The following DPYD variants were observed in gnomAD, a reference collection of about 807,000 sequenced individuals.
DPYD encodes dihydropyrimidine dehydrogenase [NADP(+)].
A neutral mutation model predicts 116.2 loss-of-function variants in DPYD; 109 were observed. The observed-to-expected ratio is 0.94, with a 90% confidence interval of 0.80 to 1.10. The LOEUF is 1.10. Among genes scored for constraint, DPYD ranks in the 50% least tolerant of loss-of-function variants. DPYD has a pLI of 0.00. For synonymous variants in DPYD, 440 were observed against 432.0 expected (o/e 1.02, Z -0.23); for missense variants, 1,302 against 1,254.5 (o/e 1.04, Z -0.57).
intron 3 of DPYD, among the ~76,000 whole-genome samples, chr1:97,812,920 G>T (rs1478150257): frequency 6.6e-6 from 1 of 152,060 alleles, no homozygotes; most frequent in Non-Finnish European, 1.5e-5. Context: ...TACTTTGGTG[G>T]AAGTACTGAA....
intron 14 of DPYD, among the ~76,000 whole-genome samples, chr1:97,399,304 A>G (rs1276822472): frequency 6.6e-6 from 1 of 152,072 alleles, no homozygotes; most frequent in African/African-American, 2.4e-5. Flanking sequence ...CCATTGGTCT[A>G]TATCTCTTTT....
At chr1:97,162,261 A>C (rs1445290148) in intron 20 of DPYD, among the ~76,000 whole-genome samples, 2 of 152,138 alleles carry the variant, frequency 1.3e-5, no homozygotes, top group Non-Finnish European at 2.9e-5. Context: ...AATGATTGCC[A>C]TTCTAACTGG....
intron 8 of DPYD, among the ~76,000 whole-genome samples, chr1:97,622,875 C>G (rs1656711513): frequency 6.6e-6 from 1 of 151,866 alleles, no homozygotes; most frequent in Admixed American, 6.6e-5. Context: ...GGCAGGCAAA[C>G]AAGATCTGAA....
At chr1:97,726,865 A>G (rs1432805194) in intron 4 of DPYD, among the ~76,000 whole-genome samples, 1 of 151,704 alleles carries the variant, frequency 6.6e-6, no homozygotes, top group Non-Finnish European at 1.5e-5. Context: ...AAATTGCAAC[A>G]AATAAAATAT....
chr1:97,380,676 T>C (rs12565467), intron 15 of DPYD, among the ~76,000 whole-genome samples: 40,113 of 152,044 alleles, frequency 0.26, 5,501 homozygotes, highest in South Asian at 0.43. Flanking sequence ...CATGCTAGAG[T>C]GTTGGTGTGG....
intron 14 of DPYD, among the ~76,000 whole-genome samples, chr1:97,411,021 G>A (rs1257341526): frequency 1.3e-5 from 2 of 152,116 alleles, no homozygotes; most frequent in African/African-American, 4.8e-5. Flanking sequence ...TGTTGGGTGA[G>A]GAAAGAATGG....
chr1:97,515,715 T>C lies in DPYD; in HGVS notation c.1740+11A>G, dbSNP rs1400936838. ...AGACATTTCTATATGACTTCAATAA[T>C]ATTTTCTTACCTTATCAAGAGAGAA... is the stretch of plus-strand genomic sequence containing the variant. On this transcript the variant is annotated intron_variant, in intron 13 of 22. Coordinates refer to ENST00000370192, the MANE Select transcript of DPYD (RefSeq NM_000110.4). 6.2e-7 allele frequency: 1 copy of C among 1,610,200 alleles called. No individual in the cohort carries two copies. The highest frequency in any genetic ancestry group is 2.2e-5 in the East Asian group (1 of 44,812).
chr1:97,848,770 C>T (rs1321182052), intron 2 of DPYD, among the ~76,000 whole-genome samples: 8 of 152,056 alleles, frequency 5.3e-5, no homozygotes, highest in Non-Finnish European at 8.8e-5. Context: ...TTTAGAGAAG[C>T]TCAAATAAAG....
At chr1:97,224,976 C>T (rs912982783) in intron 19 of DPYD, among the ~76,000 whole-genome samples, 2 of 151,444 alleles carry the variant, frequency 1.3e-5, no homozygotes, top group Non-Finnish European at 3.0e-5. Context: ...TATGGGAGTA[C>T]AGATCTATCT....
chr1:97,801,745 T>C (rs1205314027), intron 3 of DPYD, among the ~76,000 whole-genome samples: 3 of 151,874 alleles, frequency 2.0e-5, no homozygotes, highest in African/African-American at 4.8e-5. Flanking sequence ...GTGTTTCTTT[T>C]TTCCTGTATT....
At chr1:97,836,542 T>C (rs1044554645) in intron 2 of DPYD, among the ~76,000 whole-genome samples, 1 of 152,158 alleles carries the variant, frequency 6.6e-6, no homozygotes, top group African/African-American at 2.4e-5. Flanking sequence ...GTCTTTTCTC[T>C]AGAACATACT....
At chr1:97,539,444 T>C (rs1300058973) in intron 12 of DPYD, among the ~76,000 whole-genome samples, 1 of 152,128 alleles carries the variant, frequency 6.6e-6, no homozygotes, top group Non-Finnish European at 1.5e-5. Context: ...TACCTGTTGA[T>C]TCCATATTTA....
chr1:97,203,470 G>T (rs1659351455), intron 19 of DPYD, among the ~76,000 whole-genome samples: 2 of 119,662 alleles, frequency 1.7e-5, no homozygotes, highest in South Asian at 3.0e-4. Context: ...ACACTCTGGG[G>T]ACTGTTGTGG....
chr1:97,306,311 T>C lies in DPYD; in HGVS notation c.2059-14A>G. The C allele has an allele frequency of 2.5e-6, 4 of 1,611,780 alleles. No homozygotes were observed. Among genetic ancestry groups the C allele is most frequent in the Non-Finnish European group, 3.4e-6 (4 of 1,178,448 alleles). On this transcript the variant is annotated splice_polypyrimidine_tract_variant and intron_variant, in intron 16 of 22. Coordinates refer to ENST00000370192, the MANE Select transcript of DPYD (RefSeq NM_000110.4). ...CAGCTCTGGATCCTGTTCAAATAGGTCGGTTAAATATAGAACAAAATTAAA... is the reference window on the plus strand; with the variant it reads ...CAGCTCTGGATCCTGTTCAAATAGGCCGGTTAAATATAGAACAAAATTAAA...
At position 97,155,389 on chromosome 1, in the gene DPYD, A is replaced by G. The variant is rs150525254; in HGVS notation, c.2622+37680T>C. 1.3e-4 allele frequency among the ~76,000 whole-genome samples: 20 copies of G among 152,234 alleles called. No individual in the cohort carries two copies. In the East Asian group the frequency reaches 3.9e-3, roughly 29 times the overall value. On this transcript the variant is annotated intron_variant, in intron 20 of 22. Transcript: ENST00000370192. ...TTCCCTGGATTCTGTATGAAACCAG[A>G]GCTCTTCTGCTTTTGTGTCCAAATA...
intron 16 of DPYD, among the ~76,000 whole-genome samples, chr1:97,317,851 C>G (rs535528741): frequency 6.6e-6 from 1 of 152,048 alleles, no homozygotes; most frequent in East Asian, 2.0e-4. Context: ...TTTAAATAAC[C>G]TATCAGAGAA....
At chr1:97,371,484 C>G (rs1671309800) in intron 16 of DPYD, among the ~76,000 whole-genome samples, 1 of 152,032 alleles carries the variant, frequency 6.6e-6, no homozygotes, top group Non-Finnish European at 1.5e-5. Flanking sequence ...GACTTTGGAA[C>G]TTAGAGAGGT....
At chr1:97,530,469 G>A (rs1375902372) in intron 12 of DPYD, among the ~76,000 whole-genome samples, 2 of 151,782 alleles carry the variant, frequency 1.3e-5, no homozygotes, top group East Asian at 1.9e-4. Context: ...CGCCCGCCTC[G>A]GCCTCCCAAA....
intron 3 of DPYD, among the ~76,000 whole-genome samples, chr1:97,758,465 A>G (rs1398983221): frequency 6.6e-6 from 1 of 152,178 alleles, no homozygotes; most frequent in Non-Finnish European, 1.5e-5. Flanking sequence ...CAATAAGAAC[A>G]TAGTTGAGGC....
Sources: allele counts gnomAD v4.1 joint callset (sites outside exome capture counted in the v4.1 genomes callset), GRCh38; gene constraint gnomAD v4.1.1; transcripts MANE v1.5; gene names NCBI Gene and HGNC (gene_info 2026-07-23, HGNC 2026-07-21).